The following DNAH11 variants were observed in gnomAD, a reference collection of about 807,000 sequenced individuals.
The protein encoded by DNAH11 is dynein axonemal heavy chain 11.
In DNAH11, 442 loss-of-function variants were observed where a neutral mutation model predicts 526.0. The ratio of observed to expected loss-of-function variants is 0.84; its 90% CI spans 0.78 to 0.91. The LOEUF (loss-of-function observed/expected upper bound fraction) is 0.91. DNAH11 is among the 40% of genes least tolerant of loss of function. DNAH11 has a pLI of 0.00. For missense variants in DNAH11, 6,989 were observed against 5,448.7 expected (o/e 1.28, Z -8.90); for synonymous variants, 2,461 against 1,935.9 (o/e 1.27, Z -7.12).
chr7:21,739,714 A>C (rs751141489), intron 48 of DNAH11, 41 bp downstream of exon 48: 1 of 1,473,198 alleles, frequency 6.8e-7, no homozygotes, highest in African/African-American at 1.4e-5. Context: ...GTAGGTCTGT[A>C]TTGTATTGTT....
At chr7:21,894,531 A>T in intron 77 of DNAH11, 92 bp from the exon 78 acceptor site, 1 of 1,336,374 alleles carries the variant, frequency 7.5e-7, no homozygotes, top group Non-Finnish European at 1.0e-6. Context: ...CGTATGATAT[A>T]TTCTGTAACT....
At chr7:21,837,794 A>G (rs1782049417) in intron 65 of DNAH11, among the ~76,000 whole-genome samples, 1 of 152,166 alleles carries the variant, frequency 6.6e-6, no homozygotes, top group Admixed American at 6.5e-5. Context: ...ATAGTAAACA[A>G]TATTATAGTG....
intron 63 of DNAH11, among the ~76,000 whole-genome samples, chr7:21,815,795 A>G (rs10268537): frequency 0.41 from 61,640 of 151,944 alleles, 13,364 homozygotes; most frequent in East Asian, 0.82. Context: ...ATTGTTGTCA[A>G]TTTTTATAAA....
In DNAH11 at chr7:21,892,419, T is replaced by G; in HGVS notation, c.12508-6T>G. ...GGAATAACTGACTTTTCCTTTGTGG[T>G]TCAAGACTGAAGATGAACTGATGCT... On this transcript the variant is annotated splice_polypyrimidine_tract_variant and splice_region_variant and intron_variant, in intron 76 of 81. Coordinates refer to ENST00000409508, the MANE Select transcript of DNAH11 (RefSeq NM_001277115.2). 6.2e-7 allele frequency: 1 copy of G among 1,603,948 alleles called. No individual in the cohort carries two copies. Among genetic ancestry groups the G allele is most frequent in the Non-Finnish European group, 8.5e-7 (1 of 1,172,682 alleles).
chr7:21,587,539 C>T (rs1322602249), intron 9 of DNAH11, among the ~76,000 whole-genome samples: 1 of 152,144 alleles, frequency 6.6e-6, no homozygotes, highest in Non-Finnish European at 1.5e-5. Flanking sequence ...ACAGTCACCA[C>T]TGTAGCCCCA....
Position 21,784,460 on chromosome 7 carries a change from CAG to C in DNAH11, c.9523_9524del (p.Glu3175MetfsTer2), listed in dbSNP as rs1414230468. ...TAIQTEVFQK[Q>X]RECEADLLKA... Reference sequence around the variant, plus strand: ...CATTCAGACTGAAGTGTTCCAGAAACAGAGAGAATGTGAAGCTGACTTACTCA... The same window carrying C: ...CATTCAGACTGAAGTGTTCCAGAAACAGAGAATGTGAAGCTGACTTACTCA... On this transcript the variant is annotated frameshift_variant, in exon 58 of 82. Coordinates refer to ENST00000409508, the MANE Select transcript of DNAH11 (RefSeq NM_001277115.2). LOFTEE classifies it high-confidence loss of function. The C allele has an allele frequency of 2.5e-6, 4 of 1,613,316 alleles. No individual in the cohort carries two copies. Among genetic ancestry groups the C allele is most frequent in the South Asian group, 2.2e-5 (2 of 90,976 alleles).
chr7:21,750,158 A>G lies in DNAH11; in HGVS notation c.8798-64A>G. On this transcript the variant is annotated intron_variant, in intron 53 of 81. Transcript: ENST00000409508. ...TCTTGTAAAACATTTCAAACGTTTA[A>G]AAGTTATATGTAAAATTTAAATTGC... 3 of 1,494,322 alleles carry G rather than the reference A, an allele frequency of 2.0e-6. No homozygotes were observed. The South Asian group carries it at 4.0e-5, about 20-fold the overall frequency. The allele number at this position is 1,494,322 out of a possible 1,614,324, so 92.6% of individuals were successfully genotyped here. A position where few individuals can be genotyped will look rare whatever the true frequency, so the allele number is the denominator to read the frequency against.
chr7:21,767,873 C>T (rs1458542796), intron 55 of DNAH11, among the ~76,000 whole-genome samples: 1 of 152,040 alleles, frequency 6.6e-6, no homozygotes, highest in Non-Finnish European at 1.5e-5. Flanking sequence ...ATAATTTAGG[C>T]ACTTCTTAAT....
intron 34 of DNAH11, among the ~76,000 whole-genome samples, chr7:21,689,630 T>G (rs962414504): frequency 1.3e-5 from 2 of 152,262 alleles, no homozygotes; most frequent in Non-Finnish European, 2.9e-5. Flanking sequence ...CCTGCCAGCC[T>G]GTCTGCCTTC....
chr7:21,657,736 G>C (rs1782078091), intron 29 of DNAH11, among the ~76,000 whole-genome samples: 1 of 152,168 alleles, frequency 6.6e-6, no homozygotes. Flanking sequence ...CGGTTAATCT[G>C]AACTCATGCA....
chr7:21,582,694 C>G (rs1784355564), intron 9 of DNAH11, among the ~76,000 whole-genome samples: 1 of 152,038 alleles, frequency 6.6e-6, no homozygotes, highest in Non-Finnish European at 1.5e-5. Flanking sequence ...CCATGTAAAA[C>G]TTGCTTGACA....
At chr7:21,659,077 T>G in intron 30 of DNAH11, 46 bp downstream of exon 30, 1 of 1,424,972 alleles carries the variant, frequency 7.0e-7, no homozygotes, top group Non-Finnish European at 9.5e-7. Flanking sequence ...AACTTCAAGA[T>G]GTAAGCTTGC....
intron 36 of DNAH11, among the ~76,000 whole-genome samples, chr7:21,700,194 C>G (rs1023498593): frequency 2.0e-5 from 3 of 152,154 alleles, no homozygotes; most frequent in African/African-American, 4.8e-5. Flanking sequence ...TAGGACACAC[C>G]TGTAGCCAAT....
intron 14 of DNAH11, among the ~76,000 whole-genome samples, chr7:21,596,721 G>C (rs1409186290): frequency 1.3e-5 from 2 of 152,170 alleles, no homozygotes; most frequent in African/African-American, 4.8e-5. Flanking sequence ...TGTCATCTCA[G>C]AGAAAAATGT....
At chr7:21,706,463 AT>A (rs1274912925) in intron 39 of DNAH11, among the ~76,000 whole-genome samples, 1 of 152,142 alleles carries the variant, frequency 6.6e-6, no homozygotes, top group Non-Finnish European at 1.5e-5. Flanking sequence ...AAGAAAAAAA[AT>A]CTCTGTATAG....
At chr7:21,740,543 A>G (rs1785834471) in intron 48 of DNAH11, among the ~76,000 whole-genome samples, 1 of 152,198 alleles carries the variant, frequency 6.6e-6, no homozygotes, top group Non-Finnish European at 1.5e-5. Flanking sequence ...GTTACGGCAT[A>G]TTGCAGAATT....
At chr7:21,681,448 T>C in intron 30 of DNAH11, 98 bp from the exon 31 acceptor site, 1 of 1,321,556 alleles carries the variant, frequency 7.6e-7, no homozygotes, top group Non-Finnish European at 1.0e-6. Flanking sequence ...GAAATTGTTT[T>C]GCAAACTAAA....
chr7:21,756,848 T>C (rs780942351), intron 54 of DNAH11, among the ~76,000 whole-genome samples: 2 of 152,226 alleles, frequency 1.3e-5, no homozygotes, highest in Non-Finnish European at 2.9e-5. Flanking sequence ...ATCTTTATAA[T>C]AATTGACCTC....
chr7:21,657,353 A>T (rs369790109), intron 29 of DNAH11, among the ~76,000 whole-genome samples: 1 of 152,168 alleles, frequency 6.6e-6, no homozygotes, highest in Admixed American at 6.6e-5. Context: ...GGATATGCAC[A>T]TAATAATGGA....
Sources: allele counts gnomAD v4.1 joint callset (sites outside exome capture counted in the v4.1 genomes callset), GRCh38; gene constraint gnomAD v4.1.1; transcripts MANE v1.5; gene names NCBI Gene and HGNC (gene_info 2026-07-23, HGNC 2026-07-21).